Variants in SUZ12 observed in about 807,000 individuals in gnomAD.
SUZ12 encodes the protein polycomb protein SUZ12.
A neutral mutation model predicts 87.3 loss-of-function variants in SUZ12; 17 were observed. That is an observed-to-expected ratio of 0.19 (90% confidence interval 0.13 to 0.29). SUZ12 has a LOEUF of 0.29. Among genes scored for constraint, SUZ12 ranks in the 10% least tolerant of loss-of-function variants. The pLI is 1.00. For missense variants in SUZ12, 526 were observed against 912.2 expected, an observed-to-expected ratio of 0.58 and a Z score of 5.45; for synonymous variants, 253 against 312.4, an observed-to-expected ratio of 0.81 and a Z score of 2.01.
At chr17:31,988,866 G>A (rs956995035) in intron 10 of SUZ12, among the ~76,000 whole-genome samples, 1 of 151,654 alleles carries the variant, frequency 6.6e-6, no homozygotes, top group African/African-American at 2.4e-5. Flanking sequence ...GTCAGGAGAT[G>A]GAGATCATCC....
intron 1 of SUZ12, among the ~76,000 whole-genome samples, chr17:31,939,667 G>T (rs948889576): frequency 6.6e-6 from 1 of 152,050 alleles, no homozygotes; most frequent in African/African-American, 2.4e-5. Context: ...GGGATTACAG[G>T]CATGCGCCGC....
chr17:31,963,158 A>T (rs1305071600), intron 4 of SUZ12, among the ~76,000 whole-genome samples: 20,905 of 139,760 alleles, frequency 0.15, no homozygotes, highest in African/African-American at 0.29. Flanking sequence ...TATTATTATT[A>T]TTTTTTGAGA....
chr17:31,983,181 C>G, intron 9 of SUZ12, 77 bp downstream of exon 9: 2 of 1,424,518 alleles, frequency 1.4e-6, no homozygotes, highest in Non-Finnish European at 1.9e-6. Context: ...TCCCCAAATG[C>G]TAATTCATGT....
At chr17:31,962,317 G>C (rs557042752) in intron 4 of SUZ12, among the ~76,000 whole-genome samples, 5 of 151,982 alleles carry the variant, frequency 3.3e-5, no homozygotes, top group African/African-American at 1.2e-4. Flanking sequence ...CAGGCCAGGC[G>C]CAGTGGCTCA....
At chr17:31,978,616 T>C (rs1373091095) in intron 8 of SUZ12, among the ~76,000 whole-genome samples, 1 of 152,164 alleles carries the variant, frequency 6.6e-6, no homozygotes, top group Non-Finnish European at 1.5e-5. Context: ...GGGAAACAAT[T>C]AGAATGAGGC....
intron 5 of SUZ12, chr17:31,967,371 G>GGGCACGGT (rs1908158913): frequency 6.6e-6 from 1 of 150,644 alleles, no homozygotes; most frequent in African/African-American, 2.4e-5. Context: ...CTGGTGGGCC[G>GGGCACGGT]GGCACGGTGG....
chr17:31,939,734 C>G (rs1906160381), intron 1 of SUZ12, among the ~76,000 whole-genome samples: 1 of 152,124 alleles, frequency 6.6e-6, no homozygotes, highest in African/African-American at 2.4e-5. Flanking sequence ...CCATGTTGGT[C>G]AGGCTGGTCT....
At chr17:31,960,642 A>G (rs537605942) in intron 4 of SUZ12, among the ~76,000 whole-genome samples, 1 of 151,804 alleles carries the variant, frequency 6.6e-6, no homozygotes, top group Admixed American at 6.6e-5. Context: ...CAGTGGTGTG[A>G]TCTTGGCTCA....
intron 4 of SUZ12, among the ~76,000 whole-genome samples, chr17:31,962,431 C>T (rs1283968756): frequency 3.9e-5 from 6 of 152,180 alleles, no homozygotes; most frequent in African/African-American, 1.4e-4. Context: ...ACTCCACAAA[C>T]ATGTAAAAAT....
At chr17:31,987,088 CAAGG>C (rs1909461304) in intron 9 of SUZ12, among the ~76,000 whole-genome samples, 1 of 150,994 alleles carries the variant, frequency 6.6e-6, no homozygotes, top group African/African-American at 2.5e-5. Context: ...CCTTGAAGGA[CAAGG>C]AAGAAATGAT....
At chr17:31,962,407 A>G (rs1032012128) in intron 4 of SUZ12, among the ~76,000 whole-genome samples, 5 of 152,204 alleles carry the variant, frequency 3.3e-5, no homozygotes, top group African/African-American at 1.2e-4. Flanking sequence ...CCTGGGTAAC[A>G]TGGCAAAATC....
chr17:31,947,331 A>G (rs1462306240), intron 3 of SUZ12, among the ~76,000 whole-genome samples: 14 of 152,126 alleles, frequency 9.2e-5, no homozygotes, highest in Non-Finnish European at 7.4e-5. Flanking sequence ...TGTCAAAATA[A>G]ATATAAACCA....
chr17:31,979,201 CTGT>C (rs1030029390), intron 8 of SUZ12, among the ~76,000 whole-genome samples: 22 of 149,760 alleles, frequency 1.5e-4, no homozygotes, highest in African/African-American at 5.4e-4. Context: ...TAGATTGTAT[CTGT>C]TGTTAACATT....
At chr17:31,945,169 A>G (rs1199535312) in intron 3 of SUZ12, among the ~76,000 whole-genome samples, 1 of 151,930 alleles carries the variant, frequency 6.6e-6, no homozygotes, top group East Asian at 1.9e-4. Context: ...AGCACAACTC[A>G]TTTGCTGTTG....
At chr17:31,949,842 C>T (rs1440967888) in intron 4 of SUZ12, among the ~76,000 whole-genome samples, 3 of 151,600 alleles carry the variant, frequency 2.0e-5, no homozygotes, top group Non-Finnish European at 4.4e-5. Context: ...CACCACCACA[C>T]CCAGCTGATT....
intron 10 of SUZ12, among the ~76,000 whole-genome samples, chr17:31,989,585 TTTTTTTTGTTTTTTTTG>T (rs1330445763): frequency 7.4e-6 from 1 of 134,888 alleles, no homozygotes; most frequent in African/African-American, 3.4e-5. Flanking sequence ...ACTAAGTTGT[TTTTTTTTGTTTTTTTTG>T]TTTTTTTGTT....
In SUZ12 at chr17:31,998,688, C is replaced by A; in HGVS notation, c.1905C>A (p.Ala635=). The A allele has an allele frequency of 6.3e-7, 1 of 1,584,796 alleles. No homozygotes were observed. The highest frequency in any genetic ancestry group is 1.2e-5 in the South Asian group (1 of 86,288). The change falls in exon 16 of 16, where the codon GCC becomes GCA. Residue 635 remains alanine (A), a synonymous_variant. Coordinates refer to ENST00000322652, the MANE Select transcript of SUZ12 (RefSeq NM_015355.4). ...GFIADNQMNH[A]CMLFVENYGQ... ...TTGCTGACAATCAAATGAATCATGC[C>A]TGTATGCTGTTTGTAGAAAATTATG...
At chr17:31,977,578 G>A (rs760109453) in intron 8 of SUZ12, among the ~76,000 whole-genome samples, 1 of 151,710 alleles carries the variant, frequency 6.6e-6, no homozygotes, top group Admixed American at 6.6e-5. Flanking sequence ...ATGCCTAGGC[G>A]AGACCCCATC....
At chr17:31,973,770 G>A (rs1348834224) in intron 6 of SUZ12, among the ~76,000 whole-genome samples, 1 of 152,124 alleles carries the variant, frequency 6.6e-6, no homozygotes, top group African/African-American at 2.4e-5. Context: ...TGTACCTTTA[G>A]TTGCCTCAAG....
Sources: allele counts gnomAD v4.1 joint callset (sites outside exome capture counted in the v4.1 genomes callset), GRCh38; gene constraint gnomAD v4.1.1; transcripts MANE v1.5; gene names NCBI Gene and HGNC (gene_info 2026-07-23, HGNC 2026-07-21).